Variants in SIX4 observed in about 807,000 individuals in gnomAD.
SIX4 encodes SIX homeobox 4.
In SIX4, 23 loss-of-function variants were observed where a neutral mutation model predicts 51.5. The observed-to-expected ratio is 0.45, with a 90% CI of 0.32 to 0.63. SIX4 has a LOEUF of 0.63. Ranked by LOEUF, SIX4 falls within the 30% of genes least tolerant of loss-of-function variation. The pLI is 0.04. For missense variants in SIX4, 867 were observed against 984.0 expected (o/e 0.88, Z 1.59); for synonymous variants, 413 against 417.3 (o/e 0.99, Z 0.13).
Position 60,713,352 on chromosome 14 carries a change from G to A in SIX4, c.*55C>T. ...TGGGAAAATGTTTTGTGTCCTTGGGGCTTCATGAAAAGATTTGCCGCTGAT... is the reference window on the plus strand; with the variant it reads ...TGGGAAAATGTTTTGTGTCCTTGGGACTTCATGAAAAGATTTGCCGCTGAT... On this transcript the variant is annotated 3_prime_UTR_variant, in exon 3 of 3. Coordinates refer to ENST00000216513, the MANE Select transcript of SIX4 (RefSeq NM_017420.5). 2 of 1,517,030 alleles carry A rather than the reference G, an allele frequency of 1.3e-6. No homozygotes were observed. The highest frequency in any genetic ancestry group is 1.8e-6 in the Non-Finnish European group (2 of 1,131,908). 94.0% of individuals were successfully genotyped at this position (1,517,030 alleles called of 1,614,324 possible).
At chr14:60,715,828 G>C (rs1276822497) in intron 2 of SIX4, among the ~76,000 whole-genome samples, 2 of 151,930 alleles carry the variant, frequency 1.3e-5, no homozygotes, top group Non-Finnish European at 2.9e-5. Flanking sequence ...GGGAACTTTT[G>C]TGATAGGTGG....
In SIX4 at chr14:60,719,327, A is replaced by C. The variant is rs1439378947; in HGVS notation, c.1549+433T>G. On this transcript the variant is annotated intron_variant, in intron 2 of 2. Coordinates refer to ENST00000216513, the MANE Select transcript of SIX4 (RefSeq NM_017420.5). The surrounding 1 kb of genome is among the most constrained non-coding windows in gnomAD (Gnocchi z 4.9). ...TCTTTTTAGCTTGTTCTTCTAAAAC[A>C]TTTTTTGGTCAAATAAATAATGCTT... Among the ~76,000 whole-genome samples, 1 of 152,190 alleles carries C rather than the reference A, an allele frequency of 6.6e-6. No individual in the cohort carries two copies. Among genetic ancestry groups the C allele is most frequent in the Non-Finnish European group, 1.5e-5 (1 of 68,030 alleles).
chr14:60,723,966 C>T lies in SIX4; in HGVS notation c.109G>A (p.Gly37Arg). ...EGQEAHREVA[G>R]GAAVGLSPPA... is the part of the protein sequence containing the mutation. ...GGGCTCAGCCCTACCGCCGCGCCCC[C>T]CGCCACTTCTCGGTGCGCCTCCTGC... is the stretch of plus-strand genomic sequence containing the variant. The change falls in exon 1 of 3, where the codon GGG (glycine) becomes AGG (arginine). Residue 37 changes from glycine (G) to arginine (R), a missense_variant. By Grantham distance (125) the Gly-to-Arg change is moderately radical. Coordinates refer to ENST00000216513, the MANE Select transcript of SIX4 (RefSeq NM_017420.5). 1.3e-6 allele frequency: 2 copies of T among 1,511,648 alleles called. No homozygotes were observed. Among genetic ancestry groups the T allele is most frequent in the South Asian group, 1.3e-5 (1 of 74,258 alleles). 93.6% of individuals were successfully genotyped at this position (1,511,648 alleles called of 1,614,324 possible).
chr14:60,710,265 TATA>T lies in SIX4; in HGVS notation c.*3139_*3141del, dbSNP rs1363938030. On this transcript the variant is annotated 3_prime_UTR_variant, in exon 3 of 3. Transcript: ENST00000216513. ...TTAACTATGGATTTTTACCTATGGC[TATA>T]ATATCTACCTGCCTTTCATAACACA... The T allele has an allele frequency of 2.6e-5, 4 of 152,752 alleles. No individual in the cohort carries two copies. In the East Asian group the frequency reaches 7.7e-4, roughly 29 times the overall value. The allele number at this position is 152,752 out of a possible 1,614,324, so 9.5% of individuals were successfully genotyped here.
Position 60,719,784 on chromosome 14 carries a change from G to T in SIX4, c.1525C>A (p.Pro509Thr), listed in dbSNP as rs141516639. 1.0e-4 allele frequency: 166 copies of T among 1,614,090 alleles called. No homozygotes were observed. Among genetic ancestry groups the T allele is most frequent in the Admixed American group, 3.0e-4 (18 of 60,026 alleles). The change falls in exon 2 of 3, where the codon CCT becomes ACT. Residue 509 changes from proline to threonine, a missense_variant. Physicochemically the swap from Pro to Thr is conservative, Grantham distance 38. Coordinates refer to ENST00000216513, the MANE Select transcript of SIX4 (RefSeq NM_017420.5). The surrounding 1 kb of genome is among the most constrained non-coding windows in gnomAD (Gnocchi z 4.9). ...SIGFSPLQLP[P>T]VSVAASQGNI... ...CCTTGTGAAGCTGCCACTGACACAGGGGGCAGCTGCAGTGGAGAGAATCCA... is the reference window on the plus strand; with the variant it reads ...CCTTGTGAAGCTGCCACTGACACAGTGGGCAGCTGCAGTGGAGAGAATCCA...
Position 60,713,872 on chromosome 14 carries a change from T to C in SIX4, c.1881A>G (p.Leu627=), listed in dbSNP as rs754559726. 16 of 1,614,030 alleles carry C rather than the reference T, an allele frequency of 9.9e-6. No individual in the cohort carries two copies. The highest frequency in any genetic ancestry group is 2.7e-5 in the African/African-American group (2 of 74,904). ...CGCGGTTTAGCTCAGTGGGATTTAGTAGTGTAGAGGGACTGAGAGAAAAAT... is the reference window on the plus strand; with the variant it reads ...CGCGGTTTAGCTCAGTGGGATTTAGCAGTGTAGAGGGACTGAGAGAAAAAT... The part of the protein sequence containing the change: ...THNFSLSPST[L]LNPTELNRDI... Residue 627 remains leucine (L), a synonymous_variant, in exon 3 of 3, where the codon CTA becomes CTG. Coordinates refer to ENST00000216513, the MANE Select transcript of SIX4 (RefSeq NM_017420.5).
At chr14:60,721,670 C>T (rs906120070) in intron 1 of SIX4, among the ~76,000 whole-genome samples, 3 of 151,954 alleles carry the variant, frequency 2.0e-5, no homozygotes, top group African/African-American at 4.8e-5. Context: ...AGCAGTGGAG[C>T]GTGGGGGAGT....
rs1413606750 is a variant in SIX4, at chr14:60,717,712, A to G, written c.1549+2048T>C. On this transcript the variant is annotated intron_variant, in intron 2 of 2. Transcript: ENST00000216513. The surrounding 1 kb of genome is among the most constrained non-coding windows in gnomAD (Gnocchi z 4.6). ...AAAAACCATATAGATACAAAGCATT[A>G]CTTTGTAATGATAAGAAAAAAATCA... is the stretch of plus-strand genomic sequence containing the variant. Among the ~76,000 whole-genome samples, 1 of 151,926 alleles carries G rather than the reference A, an allele frequency of 6.6e-6. No individual in the cohort carries two copies. The highest frequency in any genetic ancestry group is 1.5e-5 in the Non-Finnish European group (1 of 67,848).
Position 60,719,986 on chromosome 14 carries a change from A to G in SIX4, c.1323T>C (p.Pro441=). The change falls in exon 2 of 3, where the codon CCT becomes CCC. Residue 441 remains proline, a synonymous_variant. Transcript: ENST00000216513. This position sits in a 1 kb window ranked among gnomAD's most constrained non-coding sequence, Gnocchi z 4.9. ...ATTTSYSPSV[P]VSFPGLIPST... ...TGGGTATCAGGCCTGGGAATGAGACAGGGACACTGGGGCTGTAGGACGTGG... is the reference window on the plus strand; with the variant it reads ...TGGGTATCAGGCCTGGGAATGAGACGGGGACACTGGGGCTGTAGGACGTGG... The G allele has an allele frequency of 6.2e-7, 1 of 1,614,220 alleles. No individual in the cohort carries two copies. The highest frequency in any genetic ancestry group is 1.1e-5 in the South Asian group (1 of 91,082).
rs1594702909 is a variant in SIX4 at position 60,724,331 on chromosome 14, G to A, written c.-257C>T. 2.7e-6 allele frequency: 4 copies of A among 1,476,552 alleles called. No homozygotes were observed. In the East Asian group the frequency reaches 1.1e-4, roughly 41 times the overall value. 91.5% of individuals were successfully genotyped at this position (1,476,552 alleles called of 1,614,324 possible). A position where few individuals can be genotyped will look rare whatever the true frequency, so the allele number is the denominator to read the frequency against. On this transcript the variant is annotated 5_prime_UTR_variant, in exon 1 of 3. Coordinates refer to ENST00000216513, the MANE Select transcript of SIX4 (RefSeq NM_017420.5). ...GCCGTTCCCCCAACGTGACTCCTCC[G>A]GTTGCTGCATACTATATGGCAGTGG... is the stretch of plus-strand genomic sequence containing the variant.
intron 1 of SIX4, 124 bp downstream of exon 1, chr14:60,723,088 G>A (rs1165197779): frequency 7.7e-6 from 11 of 1,421,204 alleles, no homozygotes; most frequent in Non-Finnish European, 9.1e-6. Context: ...GGCGGGGAGA[G>A]GTGGGCAGCC....
chr14:60,712,805 A>C lies in SIX4; in HGVS notation c.*602T>G, dbSNP rs1262903738. ...ACTGAAGTTTCAGAGTTTTTAGTGGAGTTCCGCACTTTCTCAGCCACACTG... is the reference window on the plus strand; with the variant it reads ...ACTGAAGTTTCAGAGTTTTTAGTGGCGTTCCGCACTTTCTCAGCCACACTG... On this transcript the variant is annotated 3_prime_UTR_variant, in exon 3 of 3. Coordinates refer to ENST00000216513, the MANE Select transcript of SIX4 (RefSeq NM_017420.5). 1 of 152,488 alleles carries C rather than the reference A, an allele frequency of 6.6e-6. No individual in the cohort carries two copies. Among genetic ancestry groups the C allele is most frequent in the Non-Finnish European group, 1.5e-5 (1 of 68,052 alleles). The allele number at this position is 152,488 out of a possible 1,614,324, so 9.4% of individuals were successfully genotyped here. A position where few individuals can be genotyped will look rare whatever the true frequency, so the allele number is the denominator to read the frequency against.
chr14:60,722,994 G>A lies in SIX4; in HGVS notation c.863+218C>T, dbSNP rs1896053742. The A allele has an allele frequency of 2.1e-6, 2 of 950,510 alleles. No homozygotes were observed. The highest frequency in any genetic ancestry group is 3.0e-5 in the East Asian group (1 of 33,336). The allele number at this position is 950,510 out of a possible 1,614,324, so 58.9% of individuals were successfully genotyped here. On this transcript the variant is annotated intron_variant, in intron 1 of 2. Coordinates refer to ENST00000216513, the MANE Select transcript of SIX4 (RefSeq NM_017420.5). This position sits in a 1 kb window ranked among gnomAD's most constrained non-coding sequence, Gnocchi z 5.9. ...GCGGGCGACCAGAAACTTCTGGGGG[G>A]AGAGGGGGAGGGTAAGGAGGGAGGT...
Position 60,723,973 on chromosome 14 carries a change from T to C in SIX4, c.102A>G (p.Glu34=). 6.6e-7 allele frequency: 1 copy of C among 1,511,412 alleles called. No homozygotes were observed. The highest frequency in any genetic ancestry group is 8.8e-7 in the Non-Finnish European group (1 of 1,134,626). The allele number at this position is 1,511,412 out of a possible 1,614,324, so 93.6% of individuals were successfully genotyped here. Residue 34 remains glutamate (E), a synonymous_variant, in exon 1 of 3, where the codon GAA becomes GAG. Coordinates refer to ENST00000216513, the MANE Select transcript of SIX4 (RefSeq NM_017420.5). ...GCCCTACCGCCGCGCCCCCCGCCAC[T>C]TCTCGGTGCGCCTCCTGCCCTTCCG... ...SASEGQEAHR[E]VAGGAAVGLS... is the part of the protein sequence containing the mutation.
rs781584658 is a variant in SIX4 at position 60,723,470 on chromosome 14, A to G, written c.605T>C (p.Leu202Pro). ...TEAERARGRP[L>P]GAVDKYRLRR... ...CAGCCGGTACTTGTCTACGGCTCCC[A>G]GCGGCCGGCCGCGGGCTCGCTCGGC... Residue 202 changes from leucine (L) to proline (P), a missense_variant, in exon 1 of 3, where the codon CTG becomes CCG. By Grantham distance (98) the Leu-to-Pro change is moderately conservative. Transcript: ENST00000216513. The G allele has an allele frequency of 6.2e-7, 1 of 1,606,982 alleles. No individual in the cohort carries two copies. The highest frequency in any genetic ancestry group is 1.1e-5 in the South Asian group (1 of 90,964).
Position 60,724,221 on chromosome 14 carries a change from T to A in SIX4, c.-147A>T, listed in dbSNP as rs774404815. The A allele has an allele frequency of 3.2e-6, 5 of 1,549,380 alleles. No homozygotes were observed. Among genetic ancestry groups the A allele is most frequent in the Admixed American group, 1.9e-5 (1 of 51,584 alleles). ...CCTCCCTCCTGGTTTCGGCTGTATC[T>A]GGCCGATCAGGTTTCCCCCCGGCCA... On this transcript the variant is annotated 5_prime_UTR_variant, in exon 1 of 3. Transcript: ENST00000216513.
Position 60,717,037 on chromosome 14 carries a change from A to C in SIX4, c.1549+2723T>G, listed in dbSNP as rs1895931899. 1.1e-5 allele frequency: 3 copies of C among 278,158 alleles called. No homozygotes were observed. The highest frequency in any genetic ancestry group is 2.1e-5 in the Non-Finnish European group (3 of 144,958). 17.2% of individuals were successfully genotyped at this position (278,158 alleles called of 1,614,324 possible). A position where few individuals can be genotyped will look rare whatever the true frequency, so the allele number is the denominator to read the frequency against. ...GCTTTTATTTGAAAACACTGCCTTC[A>C]ACTTAAGTATGCTTTAAAACTCTTA... is the stretch of plus-strand genomic sequence containing the variant. On this transcript the variant is annotated intron_variant, in intron 2 of 2. Transcript: ENST00000216513. The surrounding 1 kb of genome is among the most constrained non-coding windows in gnomAD (Gnocchi z 4.6).
chr14:60,721,290 G>T lies in SIX4; in HGVS notation c.864-845C>A, dbSNP rs569322832. 59 of 366,518 alleles carry T rather than the reference G, an allele frequency of 1.6e-4. 1 individual carries two copies. The highest frequency in any genetic ancestry group is 1.2e-3 in the African/African-American group (55 of 45,258). 22.7% of individuals were successfully genotyped at this position (366,518 alleles called of 1,614,324 possible). On this transcript the variant is annotated intron_variant, in intron 1 of 2. Transcript: ENST00000216513. ...AGAAATACCAAATCGGGGTTGGGGG[G>T]TGGGTAGTGATGGGGTTTCCCATTT... is the stretch of plus-strand genomic sequence containing the variant.
In SIX4 at chr14:60,711,809, G is replaced by A. The variant is rs1225262556; in HGVS notation, c.*1598C>T. On this transcript the variant is annotated 3_prime_UTR_variant, in exon 3 of 3. Coordinates refer to ENST00000216513, the MANE Select transcript of SIX4 (RefSeq NM_017420.5). ...CAAAAAAAAAAAAAAAGCAAGATGT[G>A]CTAACATCTAACACCTTTATGTTCA... 3 of 149,864 alleles carry A rather than the reference G, an allele frequency of 2.0e-5. No individual in the cohort carries two copies. Among genetic ancestry groups the A allele is most frequent in the Non-Finnish European group, 4.4e-5 (3 of 67,686 alleles). 9.3% of individuals were successfully genotyped at this position (149,864 alleles called of 1,614,324 possible). A position where few individuals can be genotyped will look rare whatever the true frequency, so the allele number is the denominator to read the frequency against.
Sources: gnomAD v4.1 joint callset for allele counts (sites outside exome capture counted in the v4.1 genomes callset) on GRCh38, gnomAD v4.1.1 for gene constraint, Gnocchi (gnomAD v3.1) non-coding constraint, MANE v1.5 for transcripts, NCBI Gene and HGNC (gene_info 2026-07-23, HGNC 2026-07-21) for gene names.